GPHN: variants seen among roughly 807,000 people sequenced by gnomAD.
GPHN encodes the protein gephyrin.
GPHN carries 17 observed loss-of-function variants against 95.5 expected under a neutral mutation model. That is an observed-to-expected ratio of 0.18 (90% confidence interval 0.12 to 0.27). The LOEUF (loss-of-function observed/expected upper bound fraction) is 0.27. Among genes scored for constraint, GPHN ranks in the 10% least tolerant of loss-of-function variants. The probability of loss-of-function intolerance (pLI) is 1.00; values close to 1 mark genes in which losing one functional copy is unlikely to be tolerated. For synonymous variants in GPHN, 320 were observed against 322.5 expected (o/e 0.99, Z 0.08); for missense variants, 660 against 978.1 (o/e 0.67, Z 4.34).
the GPHN span, among the ~76,000 whole-genome samples, chr14:67,713,821 C>T: frequency 6.6e-6 from 1 of 152,100 alleles, no homozygotes; most frequent in East Asian, 1.9e-4. Context: ...AAATGAACAT[C>T]GGTTTGGTCT....
chr14:66,550,816 G>A (rs2059781766), intron 1 of GPHN, among the ~76,000 whole-genome samples: 1 of 152,100 alleles, frequency 6.6e-6, no homozygotes, highest in Non-Finnish European at 1.5e-5. Flanking sequence ...TGATGGCTTG[G>A]AGGATGGTTA....
At chr14:67,041,899 T>C (rs2074725840) in intron 10 of GPHN, among the ~76,000 whole-genome samples, 1 of 152,208 alleles carries the variant, frequency 6.6e-6, no homozygotes, top group African/African-American at 2.4e-5. Context: ...GACGTTTTAA[T>C]GATCTCCAAC....
intron 1 of GPHN, among the ~76,000 whole-genome samples, chr14:66,595,160 G>A (rs1206679306): frequency 1.3e-5 from 2 of 152,152 alleles, no homozygotes; most frequent in African/African-American, 4.8e-5. Context: ...TATTAGCAAG[G>A]TTATGGAGAA....
intron 13 of GPHN, among the ~76,000 whole-genome samples, chr14:67,102,108 G>A (rs1404088297): frequency 1.3e-5 from 2 of 151,592 alleles, no homozygotes. Flanking sequence ...TCCTGACCTC[G>A]TGATCCGCCC....
chr14:67,335,394 G>A, the GPHN span: 1 of 152,204 alleles, frequency 6.6e-6, no homozygotes, highest in Non-Finnish European at 1.5e-5. Context: ...TGTGGGGGAG[G>A]TCTTACCATT....
intron 16 of GPHN, among the ~76,000 whole-genome samples, chr14:67,116,498 C>A (rs2078705617): frequency 6.6e-6 from 1 of 151,774 alleles, no homozygotes; most frequent in Non-Finnish European, 1.5e-5. Flanking sequence ...ACCTGTTCCC[C>A]AAAAATCTAT....
intron 3 of GPHN, among the ~76,000 whole-genome samples, chr14:66,803,544 G>A (rs78869378): frequency 0.012 from 1,803 of 152,120 alleles, 18 homozygotes; most frequent in Non-Finnish European, 0.018. Context: ...CTTTTTATTC[G>A]TATCTTTCTT....
At chr14:67,370,724 T>G in the GPHN span, among the ~76,000 whole-genome samples, 1 of 152,216 alleles carries the variant, frequency 6.6e-6, no homozygotes, top group Non-Finnish European at 1.5e-5. Context: ...AAAAATCTTT[T>G]CATCAAGAAA....
At chr14:67,725,276 A>G in the GPHN span, 1 of 1,612,162 alleles carries the variant, frequency 6.2e-7, no homozygotes, top group South Asian at 1.1e-5. Context: ...ATGGGTAGGT[A>G]GAAAAGCAGG....
chr14:67,532,916 C>T, the GPHN span, among the ~76,000 whole-genome samples: 2 of 151,850 alleles, frequency 1.3e-5, no homozygotes, highest in African/African-American at 4.8e-5. Flanking sequence ...TCAAGCAGAT[C>T]CCCGGGGCGC....
intron 11 of GPHN, among the ~76,000 whole-genome samples, chr14:67,071,439 C>T (rs570770570): frequency 6.0e-5 from 9 of 150,798 alleles, no homozygotes; most frequent in African/African-American, 2.2e-4. Context: ...ACAATGAGAA[C>T]ACTTGGACAC....
chr14:66,654,617 C>T (rs10134870), intron 1 of GPHN, among the ~76,000 whole-genome samples: 47,205 of 151,964 alleles, frequency 0.31, 11,179 homozygotes, highest in African/African-American at 0.64. Flanking sequence ...CTTTCACTTT[C>T]TTACCAGGGT....
At chr14:67,038,183 C>G (rs1207195506) in intron 10 of GPHN, among the ~76,000 whole-genome samples, 3 of 151,982 alleles carry the variant, frequency 2.0e-5, no homozygotes, top group Non-Finnish European at 4.4e-5. Context: ...GGACATAATG[C>G]TAAGTGAAAT....
At chr14:66,964,187 A>T (rs1419954818) in intron 8 of GPHN, among the ~76,000 whole-genome samples, 1 of 152,088 alleles carries the variant, frequency 6.6e-6, no homozygotes, top group Non-Finnish European at 1.5e-5. Context: ...GAATAATGAT[A>T]ATTACATTAG....
chr14:67,358,007 A>G, the GPHN span, among the ~76,000 whole-genome samples: 1 of 152,094 alleles, frequency 6.6e-6, no homozygotes, highest in East Asian at 1.9e-4. Context: ...TAAAAAGGGA[A>G]CGAGAGGGGT....
At chr14:67,315,901 G>C in the GPHN span, among the ~76,000 whole-genome samples, 1 of 152,252 alleles carries the variant, frequency 6.6e-6, no homozygotes, top group East Asian at 1.9e-4. Flanking sequence ...CTCCAGCCTG[G>C]GTGACAGAGC....
chr14:66,576,436 C>T (rs1195574842), intron 1 of GPHN, among the ~76,000 whole-genome samples: 1 of 151,462 alleles, frequency 6.6e-6, no homozygotes, highest in African/African-American at 2.4e-5. Flanking sequence ...CATGTCTGAG[C>T]CACTTATTAG....
At chr14:66,750,742 A>G (rs1243883283) in intron 2 of GPHN, among the ~76,000 whole-genome samples, 1 of 151,996 alleles carries the variant, frequency 6.6e-6, no homozygotes, top group East Asian at 1.9e-4. Flanking sequence ...AAAACAAATG[A>G]AATCAAGGTT....
chr14:66,807,241 T>A (rs145689483), intron 3 of GPHN, among the ~76,000 whole-genome samples: 6,616 of 152,252 alleles, frequency 0.043, 188 homozygotes, highest in Middle Eastern at 0.068. Context: ...GCCCCCATGA[T>A]TCAATTACCT....
Sources: allele counts gnomAD v4.1 joint callset (sites outside exome capture counted in the v4.1 genomes callset), GRCh38; gene constraint gnomAD v4.1.1; transcripts MANE v1.5; gene names NCBI Gene and HGNC (gene_info 2026-07-23, HGNC 2026-07-21).